Variants in DDX25 observed in about 807,000 individuals in gnomAD.
DDX25 encodes DEAD-box helicase 25.
In DDX25, 70 loss-of-function variants were observed where a neutral mutation model predicts 64.6. That is an observed-to-expected ratio of 1.08 (90% CI 0.89 to 1.32). The LOEUF is 1.32. Ranked by LOEUF, DDX25 falls within the 40% of genes most tolerant of loss-of-function variation. The pLI is 0.00. For synonymous variants in DDX25, 211 were observed against 213.3 expected, an observed-to-expected ratio of 0.99 and a Z score of 0.09; for missense variants, 587 against 604.4, an observed-to-expected ratio of 0.97 and a Z score of 0.30.
chr11:125,903,675 T>C (rs1944831718), upstream of DDX25, among the ~76,000 whole-genome samples: 1 of 149,100 alleles, frequency 6.7e-6, no homozygotes, highest in African/African-American at 2.5e-5. Flanking sequence ...GACTGCAGTT[T>C]CGTGTGGGTT....
Position 125,911,416 on chromosome 11 carries a change from T to C in DDX25, c.728T>C (p.Val243Ala), listed in dbSNP as rs1246530552. 6.2e-7 allele frequency: 1 copy of C among 1,613,846 alleles called. No individual in the cohort carries two copies. Among genetic ancestry groups the C allele is most frequent in the Non-Finnish European group, 8.5e-7 (1 of 1,179,878 alleles). ...TTGATTGATTTGACTAAGATTCGTG[T>C]GTTTGTCCTGGATGAAGCAGATGTG... The part of the protein sequence containing the change: ...LKLIDLTKIR[V>A]FVLDEADVMI... The change falls in exon 8 of 12, where the codon GTG (valine) becomes GCG (alanine). Residue 243 changes from valine to alanine, a missense_variant. Coordinates refer to ENST00000263576, the MANE Select transcript of DDX25 (RefSeq NM_013264.5).
chr11:125,919,659 T>C (rs1248886501), intron 10 of DDX25, among the ~76,000 whole-genome samples: 1 of 152,100 alleles, frequency 6.6e-6, no homozygotes, highest in East Asian at 1.9e-4. Context: ...TCATTCTTAG[T>C]TTAGCACACA....
At chr11:125,915,680 A>G (rs2134280903) in intron 8 of DDX25, among the ~76,000 whole-genome samples, 1 of 152,358 alleles carries the variant, frequency 6.6e-6, no homozygotes, top group Admixed American at 6.5e-5. Flanking sequence ...AGGCTCTAGC[A>G]TGTGGAATGC....
At chr11:125,907,340 G>A (rs961355081) in intron 4 of DDX25, among the ~76,000 whole-genome samples, 1 of 152,196 alleles carries the variant, frequency 6.6e-6, no homozygotes. Context: ...CGGGCGCGGT[G>A]GCTCACGCCT....
Position 125,926,072 on chromosome 11 carries a change from G to C in DDX25, c.*3191G>C, listed in dbSNP as rs1364472757. ...TGGCTTGGTTCCTGGTCCTCTGAGA[G>C]GCTCAGTCTCCTTCCTTTTGATTCA... On this transcript the variant is annotated 3_prime_UTR_variant, in exon 12 of 12. Coordinates refer to ENST00000263576, the MANE Select transcript of DDX25 (RefSeq NM_013264.5). The C allele has an allele frequency of 6.5e-6, 1 of 152,804 alleles. No homozygotes were observed. Among genetic ancestry groups the C allele is most frequent in the Non-Finnish European group, 1.5e-5 (1 of 68,542 alleles). 9.5% of individuals were successfully genotyped at this position (152,804 alleles called of 1,614,324 possible). A position where few individuals can be genotyped will look rare whatever the true frequency, so the allele number is the denominator to read the frequency against.
chr11:125,921,705 A>G lies in DDX25; in HGVS notation c.1390+326A>G. 4.7e-6 allele frequency: 1 copy of G among 213,000 alleles called. No individual in the cohort carries two copies. The highest frequency in any genetic ancestry group is 1.1e-4 in the South Asian group (1 of 9,432). The allele number at this position is 213,000 out of a possible 1,614,324, so 13.2% of individuals were successfully genotyped here. The stretch of plus-strand genomic sequence containing the variant: ...GGAAATCCAGACCATCCTGGCCAAC[A>G]TGGTAAAACCCCATCTCTACTAACA... On this transcript the variant is annotated intron_variant, in intron 11 of 11. Transcript: ENST00000263576. The surrounding 1 kb of genome is among the most constrained non-coding windows in gnomAD (Gnocchi z 4.1).
chr11:125,922,422 C>T (rs946918254), intron 11 of DDX25: 3 of 174,594 alleles, frequency 1.7e-5, no homozygotes, highest in East Asian at 3.1e-4. Flanking sequence ...GCACATCCAC[C>T]GACCTTTCAG....
chr11:125,905,113 G>A, intron 1 of DDX25, 99 bp from the exon 2 acceptor site: 1 of 1,083,704 alleles, frequency 9.2e-7, no homozygotes, highest in Non-Finnish European at 1.4e-6. Context: ...ATACCCGGGT[G>A]TCCTTCCCTG....
intron 1 of DDX25, chr11:125,904,819 G>A: frequency 1.7e-6 from 1 of 584,678 alleles, no homozygotes; most frequent in Non-Finnish European, 3.0e-6. Flanking sequence ...GAAATCCAGG[G>A]TGGGAACGCA....
intron 8 of DDX25, among the ~76,000 whole-genome samples, chr11:125,912,394 C>G (rs1027128359): frequency 2.0e-5 from 3 of 152,156 alleles, no homozygotes; most frequent in African/African-American, 7.2e-5. Flanking sequence ...CTGAGCCAAA[C>G]AGCGTATTAT....
intron 8 of DDX25, among the ~76,000 whole-genome samples, chr11:125,912,414 A>G (rs537141578): frequency 3.9e-5 from 6 of 152,350 alleles, no homozygotes; most frequent in African/African-American, 1.2e-4. Flanking sequence ...TTATAATTAC[A>G]GTTGCCCCTC....
chr11:125,908,767 T>A (rs1416150013), intron 6 of DDX25, among the ~76,000 whole-genome samples: 1 of 152,244 alleles, frequency 6.6e-6, no homozygotes, highest in Non-Finnish European at 1.5e-5. Context: ...AGTCTGTTAA[T>A]CCTTGTCTGT....
rs1944925763 is a variant in DDX25 at position 125,908,494 on chromosome 11, G to A, written c.498G>A (p.Leu166=). 1 of 1,613,276 alleles carries A rather than the reference G, an allele frequency of 6.2e-7. No individual in the cohort carries two copies. Among genetic ancestry groups the A allele is most frequent in the Non-Finnish European group, 8.5e-7 (1 of 1,179,874 alleles). ...AMLSRVNALE[L]FPQCLCLAPT... ...TAAGCAGAGTTAATGCCTTGGAATT[G>A]TTCCCACAGGTAAGGGAAGGCTGAG... The change falls in exon 6 of 12, where the codon TTG becomes TTA. Residue 166 remains leucine (L), a synonymous_variant. Transcript: ENST00000263576.
chr11:125,904,333 T>G (rs1217826003), upstream of DDX25: 1 of 389,642 alleles, frequency 2.6e-6, no homozygotes, highest in Admixed American at 5.0e-5. Context: ...CGCCCCGCTC[T>G]CTGCCCTCCG....
chr11:125,904,581 G>T lies in DDX25; in HGVS notation c.63+1G>T. The T allele has an allele frequency of 6.7e-7, 1 of 1,486,268 alleles. No homozygotes were observed. The highest frequency in any genetic ancestry group is 8.9e-7 in the Non-Finnish European group (1 of 1,118,344). 92.1% of individuals were successfully genotyped at this position (1,486,268 alleles called of 1,614,324 possible). ...GGAGAGCGAGCGGCTGAACAGCCAC[G>T]TAACCGCCACCGAGCCGGGGGGCCA... On this transcript the variant is annotated splice_donor_variant, in intron 1 of 11. Transcript: ENST00000263576. LOFTEE classifies it high-confidence loss of function.
Position 125,921,493 on chromosome 11 carries a change from T to C in DDX25, c.1390+114T>C, listed in dbSNP as rs1029464602. Reference sequence around the variant, plus strand: ...ATGAGAGTAGTAGAAGCAGAATGCATGAGCTGGAAGGCTTCTAATTCACAG... The same window carrying C: ...ATGAGAGTAGTAGAAGCAGAATGCACGAGCTGGAAGGCTTCTAATTCACAG... On this transcript the variant is annotated intron_variant, in intron 11 of 11. Coordinates refer to ENST00000263576, the MANE Select transcript of DDX25 (RefSeq NM_013264.5). This position sits in a 1 kb window ranked among gnomAD's most constrained non-coding sequence, Gnocchi z 4.1. The C allele has an allele frequency of 4.8e-6, 6 of 1,242,468 alleles. No homozygotes were observed. In the African/African-American group the frequency reaches 9.1e-5, roughly 19 times the overall value. The allele number at this position is 1,242,468 out of a possible 1,614,324, so 77.0% of individuals were successfully genotyped here.
Position 125,923,312 on chromosome 11 carries a change from A to G in DDX25, c.*431A>G, listed in dbSNP as rs1591522950. The G allele has an allele frequency of 6.4e-6, 1 of 156,904 alleles. No homozygotes were observed. The highest frequency in any genetic ancestry group is 2.4e-5 in the African/African-American group (1 of 41,670). The allele number at this position is 156,904 out of a possible 1,614,324, so 9.7% of individuals were successfully genotyped here. A position where few individuals can be genotyped will look rare whatever the true frequency, so the allele number is the denominator to read the frequency against. ...TCACAGGTGCCCTTTCCAGCCATTT[A>G]TGCCTTTCCCCGCTCCCCGCCTTAA... On this transcript the variant is annotated 3_prime_UTR_variant, in exon 12 of 12. Transcript: ENST00000263576.
At chr11:125,907,606 T>C (rs887325514) in intron 4 of DDX25, among the ~76,000 whole-genome samples, 2 of 142,806 alleles carry the variant, frequency 1.4e-5, no homozygotes, top group African/African-American at 2.5e-5. Context: ...AGACTCCGTC[T>C]CAAAAAAAAA....
At chr11:125,905,399 A>G (rs1944869523) in intron 2 of DDX25, 121 bp downstream of exon 2, 1 of 1,342,410 alleles carries the variant, frequency 7.4e-7, no homozygotes, top group Non-Finnish European at 1.0e-6. Context: ...AGCACTCTCC[A>G]TTACCTTCCC....
Sources: gnomAD v4.1 joint callset for allele counts (sites outside exome capture counted in the v4.1 genomes callset) on GRCh38, gnomAD v4.1.1 for gene constraint, Gnocchi (gnomAD v3.1) non-coding constraint, MANE v1.5 for transcripts, NCBI Gene and HGNC (gene_info 2026-07-23, HGNC 2026-07-21) for gene names.